Variants in PLEKHH3 observed in about 807,000 individuals in gnomAD.
The protein encoded by PLEKHH3 is pleckstrin homology domain-containing family H member 3.
In PLEKHH3, 57 loss-of-function variants were observed where a neutral mutation model predicts 77.8. The observed-to-expected ratio is 0.73, with a 90% CI of 0.59 to 0.91. PLEKHH3 has a LOEUF of 0.91. PLEKHH3 is among the 40% of genes least tolerant of loss of function. The pLI, the probability that PLEKHH3 is intolerant of heterozygous loss-of-function variation, is 0.00. For missense variants in PLEKHH3, 1,082 were observed against 1,091.2 expected (o/e 0.99, Z 0.12); for synonymous variants, 467 against 504.8 (o/e 0.93, Z 1.00).
Position 42,668,963 on chromosome 17 carries a change from C to T in PLEKHH3, c.2205+467G>A, listed in dbSNP as rs113821943. ...CCGAGTAGCTGGGACTATAGGTGTG[C>T]GCCACCAGCCCCAGCTAATTTGTAT... On this transcript the variant is annotated intron_variant, in intron 12 of 12. Transcript: ENST00000591022. 9.3e-3 allele frequency: 1,426 copies of T among 152,664 alleles called. 34 individuals are homozygous for T. Among genetic ancestry groups the T allele is most frequent in the African/African-American group, 0.033 (1,352 of 41,434 alleles). The allele number at this position is 152,664 out of a possible 1,614,324, so 9.5% of individuals were successfully genotyped here.
At chr17:42,673,905 C>G in intron 3 of PLEKHH3, 29 bp downstream of exon 3, 1 of 1,612,404 alleles carries the variant, frequency 6.2e-7, no homozygotes, top group Non-Finnish European at 8.5e-7. Context: ...GATTGGGGGC[C>G]TCCAGAGTGC....
intron 1 of PLEKHH3, 148 bp from the exon 2 acceptor site, chr17:42,674,557 C>T (rs1232670618): frequency 1.3e-5 from 8 of 605,748 alleles, no homozygotes; most frequent in African/African-American, 1.9e-5. Flanking sequence ...ACGCTGGAGC[C>T]CCTGGGCTCG....
rs768237142 is a variant in PLEKHH3 at position 42,671,037 on chromosome 17, C to A, written c.1378G>T (p.Ala460Ser). ...EQRGAQERAL[A>S]GGTLVADVLT... is the part of the protein sequence containing the mutation. ...ACGTCGGCCACGAGGGTCCCCCCAGCCAGGGCTCGCTCCTGGGCCCCTCGC... is the reference window on the plus strand; with the variant it reads ...ACGTCGGCCACGAGGGTCCCCCCAGACAGGGCTCGCTCCTGGGCCCCTCGC... The change falls in exon 9 of 13, where the codon GCT becomes TCT. Residue 460 changes from alanine to serine, a missense_variant. Ala to Ser is a moderately conservative substitution (Grantham distance 99). Coordinates refer to ENST00000591022, the MANE Select transcript of PLEKHH3 (RefSeq NM_024927.5). This position sits in a 1 kb window ranked among gnomAD's most constrained non-coding sequence, Gnocchi z 4.7. 3.1e-6 allele frequency: 5 copies of A among 1,611,070 alleles called. No homozygotes were observed. The Middle Eastern group carries it at 6.6e-4, about 213-fold the overall frequency.
Position 42,669,635 on chromosome 17 carries a change from G to C in PLEKHH3, c.2014-14C>G. The C allele has an allele frequency of 1.3e-6, 2 of 1,593,948 alleles. No individual in the cohort carries two copies. The highest frequency in any genetic ancestry group is 1.7e-6 in the Non-Finnish European group (2 of 1,165,772). On this transcript the variant is annotated splice_polypyrimidine_tract_variant and intron_variant, in intron 11 of 12. Coordinates refer to ENST00000591022, the MANE Select transcript of PLEKHH3 (RefSeq NM_024927.5). ...CCGACCAGGCTCCTGCAGACAGAGA[G>C]GCAGAGTCAGGGTGGAAGGAGGAGC...
At chr17:42,674,146 C>A in intron 2 of PLEKHH3, 133 bp from the exon 3 acceptor site, 2 of 1,110,562 alleles carry the variant, frequency 1.8e-6, no homozygotes, top group Non-Finnish European at 1.3e-6. Context: ...AACCGCTGGG[C>A]CATTCTGACC....
chr17:42,671,966 A>G lies in PLEKHH3; in HGVS notation c.1076+120T>C, dbSNP rs910026161. ...TGCGATAGGATCTTGTATCTCCCAC[A>G]AAGGCACTGTATGTATTACTCGGTT... On this transcript the variant is annotated intron_variant, in intron 7 of 12. Coordinates refer to ENST00000591022, the MANE Select transcript of PLEKHH3 (RefSeq NM_024927.5). This position sits in a 1 kb window ranked among gnomAD's most constrained non-coding sequence, Gnocchi z 4.7. 1.1e-5 allele frequency: 9 copies of G among 829,604 alleles called. No homozygotes were observed. The highest frequency in any genetic ancestry group is 1.7e-5 in the African/African-American group (1 of 57,856). The allele number at this position is 829,604 out of a possible 1,614,324, so 51.4% of individuals were successfully genotyped here.
chr17:42,673,697 C>A lies in PLEKHH3; in HGVS notation c.436G>T (p.Val146Leu). The stretch of plus-strand genomic sequence containing the variant: ...GTCACCGAGCACAGGCTGGTGAGCA[C>A]GAGGCTCCCGAGACGCCGCGCCCCT... ...GKGARRLGSLVLTSLCSVTGP... is the reference protein window; with the variant it reads ...GKGARRLGSLLLTSLCSVTGP... Residue 146 changes from valine to leucine, a missense_variant, in exon 4 of 13, where the codon GTG (valine) becomes TTG (leucine). By Grantham distance (32) the Val-to-Leu change is conservative (BLOSUM62 1). Coordinates refer to ENST00000591022, the MANE Select transcript of PLEKHH3 (RefSeq NM_024927.5). 1 of 1,601,754 alleles carries A rather than the reference C, an allele frequency of 6.2e-7. No homozygotes were observed. Among genetic ancestry groups the A allele is most frequent in the Non-Finnish European group, 8.5e-7 (1 of 1,179,876 alleles).
chr17:42,676,110 C>G lies in PLEKHH3; in HGVS notation c.162+292G>C. The G allele has an allele frequency of 7.9e-7, 1 of 1,268,072 alleles. No individual in the cohort carries two copies. Among genetic ancestry groups the G allele is most frequent in the Non-Finnish European group, 9.9e-7 (1 of 1,005,518 alleles). 78.6% of individuals were successfully genotyped at this position (1,268,072 alleles called of 1,614,324 possible). On this transcript the variant is annotated intron_variant, in intron 1 of 12. Transcript: ENST00000591022. This position sits in a 1 kb window ranked among gnomAD's most constrained non-coding sequence, Gnocchi z 6.6. Reference sequence around the variant, plus strand: ...GAAGGAGACGGGATGGGACGCGGGCCCAGCGGGGAAGGGAGAGGCAGGGCC... The same window carrying G: ...GAAGGAGACGGGATGGGACGCGGGCGCAGCGGGGAAGGGAGAGGCAGGGCC...
chr17:42,670,696 C>A lies in PLEKHH3; in HGVS notation c.1431G>T (p.Ala477=). ...DVLTRFENLA[A]EEAGLEDSPD... Reference sequence around the variant, plus strand: ...GCGAGTCCTCCAACCCAGCTTCCTCCGCGGCCAAGCTGCAGAAGAGGAGCG... The same window carrying A: ...GCGAGTCCTCCAACCCAGCTTCCTCAGCGGCCAAGCTGCAGAAGAGGAGCG... The change falls in exon 10 of 13, where the codon GCG becomes GCT. Residue 477 remains alanine (A), a synonymous_variant. Coordinates refer to ENST00000591022, the MANE Select transcript of PLEKHH3 (RefSeq NM_024927.5). The A allele has an allele frequency of 6.2e-7, 1 of 1,612,278 alleles. No homozygotes were observed. The highest frequency in any genetic ancestry group is 8.5e-7 in the Non-Finnish European group (1 of 1,179,324).
rs768059705 is a variant in PLEKHH3 at position 42,670,413 on chromosome 17, C to T, written c.1555-37G>A. 5.3e-5 allele frequency: 77 copies of T among 1,459,042 alleles called. 1 individual carries two copies. The South Asian group carries it at 6.4e-4, about 12-fold the overall frequency. 90.4% of individuals were successfully genotyped at this position (1,459,042 alleles called of 1,614,324 possible). On this transcript the variant is annotated intron_variant, in intron 10 of 12. Coordinates refer to ENST00000591022, the MANE Select transcript of PLEKHH3 (RefSeq NM_024927.5). ...GCACCCGGCGTCAGTGTACGAGCGGCGGCGGAACCGTCGCGAAAACGCCTC... is the reference window on the plus strand; with the variant it reads ...GCACCCGGCGTCAGTGTACGAGCGGTGGCGGAACCGTCGCGAAAACGCCTC...
chr17:42,668,960 G>A (rs1158409789), intron 12 of PLEKHH3: 2 of 152,674 alleles, frequency 1.3e-5, no homozygotes, highest in African/African-American at 4.8e-5. Context: ...GACTATAGGT[G>A]TGCGCCACCA....
chr17:42,672,278 C>A lies in PLEKHH3; in HGVS notation c.884G>T (p.Arg295Leu), dbSNP rs779375229. ...TTCATCCCGGAGCGCGGGCAAGTCCCGGCAGGTTTGGAGCACACCCTGCAT... is the reference window on the plus strand; with the variant it reads ...TTCATCCCGGAGCGCGGGCAAGTCCAGGCAGGTTTGGAGCACACCCTGCAT... ...PLMQGVLQTCRDLPALRDELF... is the reference protein window; with the variant it reads ...PLMQGVLQTCLDLPALRDELF... The change falls in exon 7 of 13, where the codon CGG becomes CTG. Residue 295 changes from arginine to leucine, a missense_variant. Transcript: ENST00000591022. 5.2e-6 allele frequency: 8 copies of A among 1,550,384 alleles called. No homozygotes were observed. Among genetic ancestry groups the A allele is most frequent in the Non-Finnish European group, 6.1e-6 (7 of 1,146,956 alleles).
Position 42,669,619 on chromosome 17 carries a change from C to A in PLEKHH3, c.2016G>T (p.Glu672Asp), listed in dbSNP as rs772794464. Residue 672 changes from glutamate to aspartate, a missense_variant and splice_region_variant, in exon 12 of 13, where the codon GAG becomes GAT. Coordinates refer to ENST00000591022, the MANE Select transcript of PLEKHH3 (RefSeq NM_024927.5). ...GCTTCTGTGGAGCACCCCGACCAGGCTCCTGCAGACAGAGAGGCAGAGTCA... is the reference window on the plus strand; with the variant it reads ...GCTTCTGTGGAGCACCCCGACCAGGATCCTGCAGACAGAGAGGCAGAGTCA... Reference protein sequence around the residue: ...ARYDVLELSTEPGRGAPQKLC... With the variant: ...ARYDVLELSTDPGRGAPQKLC... 2.5e-6 allele frequency: 4 copies of A among 1,599,516 alleles called. 1 individual carries two copies. In the South Asian group the frequency reaches 4.4e-5, roughly 18 times the overall value.
intron 1 of PLEKHH3, chr17:42,675,976 G>C (rs1420607939): frequency 2.9e-6 from 3 of 1,045,100 alleles, no homozygotes; most frequent in South Asian, 6.8e-5. Context: ...TCTCCGCAGC[G>C]GGAGCTCTCG....
At chr17:42,674,659 C>G (rs905464613) in intron 1 of PLEKHH3, 4 of 396,036 alleles carry the variant, frequency 1.0e-5, no homozygotes, top group African/African-American at 8.2e-5. Flanking sequence ...AAAATACAAT[C>G]AGGGGTAGGG....
At position 42,673,292 on chromosome 17, in the gene PLEKHH3, C is replaced by T; in HGVS notation, c.653G>A (p.Ser218Asn). The T allele has an allele frequency of 6.3e-7, 1 of 1,597,636 alleles. No individual in the cohort carries two copies. Among genetic ancestry groups the T allele is most frequent in the Non-Finnish European group, 8.5e-7 (1 of 1,175,426 alleles). Reference protein sequence around the residue: ...TQLLLRDIQESCGDPEAVALI... With the variant: ...TQLLLRDIQENCGDPEAVALI... ...GGCAACGGCCTCTGGGTCCCCGCAA[C>T]TTTCCTAGGGGGCCAGGGAGAGGGT... is the stretch of plus-strand genomic sequence containing the variant. The change falls in exon 6 of 13, where the codon AGT becomes AAT. Residue 218 changes from serine to asparagine, a missense_variant. Physicochemically the swap from Ser to Asn is conservative, Grantham distance 46 (BLOSUM62 1). Around this residue, in one of 3 missense-constraint regions of PLEKHH3, gnomAD observed 344 missense variants for 320.8 expected, o/e 1.07. Coordinates refer to ENST00000591022, the MANE Select transcript of PLEKHH3 (RefSeq NM_024927.5).
At chr17:42,674,122 C>T (rs1031251357) in intron 2 of PLEKHH3, 109 bp from the exon 3 acceptor site, 54 of 1,258,286 alleles carry the variant, frequency 4.3e-5, no homozygotes, top group Non-Finnish European at 5.0e-5. Context: ...GGCACCCCTC[C>T]CCCAGGCTGT....
At position 42,672,319 on chromosome 17, in the gene PLEKHH3, C is replaced by T; in HGVS notation, c.843G>A (p.Arg281=). Residue 281 remains arginine, a synonymous_variant, in exon 7 of 13, where the codon CGG becomes CGA. Coordinates refer to ENST00000591022, the MANE Select transcript of PLEKHH3 (RefSeq NM_024927.5). ...CACCCTGCATCAAGGGCCCGGGGCG[C>T]CGCGCCCCCTCCAGCGCCTGCAGCG... The part of the protein sequence containing the change: ...FLALQALEGA[R]RPGPLMQGVL... The T allele has an allele frequency of 6.5e-7, 1 of 1,548,278 alleles. No individual in the cohort carries two copies.
At position 42,674,061 on chromosome 17, in the gene PLEKHH3, G is replaced by C. The variant is rs748430231; in HGVS notation, c.219-48C>G. 3 of 1,583,882 alleles carry C rather than the reference G, an allele frequency of 1.9e-6. No homozygotes were observed. In the South Asian group the frequency reaches 3.4e-5, roughly 18 times the overall value. ...TTGGGTCTCCACTCTGCCTCTAGGG[G>C]GCTCCTCTGTAGGGGCTCCCCAGAC... is the stretch of plus-strand genomic sequence containing the variant. On this transcript the variant is annotated intron_variant, in intron 2 of 12. Transcript: ENST00000591022.
Sources: allele counts gnomAD v4.1 joint callset, GRCh38; gene constraint gnomAD v4.1.1; regional missense constraint gnomAD v4.1.1; non-coding constraint Gnocchi (gnomAD v3.1); transcripts MANE v1.5; gene names NCBI Gene and HGNC (gene_info 2026-07-23, HGNC 2026-07-21).